RBFOX1: variants seen among roughly 807,000 people sequenced by gnomAD.
The protein encoded by RBFOX1 is RNA binding fox-1 homolog 1.
In RBFOX1, 8 loss-of-function variants were observed where a neutral mutation model predicts 57.7. That is an observed-to-expected ratio of 0.14 (90% confidence interval 0.08 to 0.25). The LOEUF (loss-of-function observed/expected upper bound fraction) is 0.25. Ranked by LOEUF, RBFOX1 falls within the 10% of genes least tolerant of loss-of-function variation. RBFOX1 has a pLI of 1.00. For synonymous variants in RBFOX1, 326 were observed against 222.4 expected, an observed-to-expected ratio of 1.47 and a Z score of -4.15; for missense variants, 611 against 548.5, an observed-to-expected ratio of 1.11 and a Z score of -1.14.
In RBFOX1 at chr16:5,439,658, A is replaced by C. The variant is rs572016173; in HGVS notation, c.220-27558A>C. The stretch of plus-strand genomic sequence containing the variant: ...GGTGTCCTTTAATGAGATGAGAAAG[A>C]CGGGCCTCACTCCTGGCCTCAAGTG... On this transcript the variant is annotated intron_variant, in intron 1 of 2. Coordinates refer to the RBFOX1 transcript ENST00000585867. Among the ~76,000 whole-genome samples the C allele has an allele frequency of 2.0e-3, 302 of 152,136 alleles. 2 individuals are homozygous for C. The highest frequency in any genetic ancestry group is 7.1e-3 in the African/African-American group (295 of 41,500).
chr16:5,948,927 C>T (rs963991247), intron 4 of RBFOX1, among the ~76,000 whole-genome samples: 3 of 152,184 alleles, frequency 2.0e-5, no homozygotes, highest in South Asian at 2.1e-4. Context: ...TACACAACAA[C>T]AGATGTTTCA....
intron 3 of RBFOX1, among the ~76,000 whole-genome samples, chr16:5,794,379 C>T (rs2054804869): frequency 2.0e-5 from 3 of 151,850 alleles, no homozygotes; most frequent in Admixed American, 2.0e-4. Flanking sequence ...TCATCATTGC[C>T]TTCATCTCAT....
chr16:5,850,133 C>G (rs1252657802), intron 3 of RBFOX1, among the ~76,000 whole-genome samples: 2 of 152,054 alleles, frequency 1.3e-5, no homozygotes, highest in Non-Finnish European at 2.9e-5. Context: ...AATTCAGTGG[C>G]TAAGAGGGAA....
chr16:6,193,509 C>G (rs1598259401), intron 1 of RBFOX1, among the ~76,000 whole-genome samples: 1 of 145,740 alleles, frequency 6.9e-6, no homozygotes, highest in East Asian at 2.0e-4. Flanking sequence ...GCTAAGTGAC[C>G]TAGAGCAAGT....
Position 6,654,614 on chromosome 16 carries a change from A to G in RBFOX1, c.-52A>G. Reference sequence around the variant, plus strand: ...TCTTCTCTTCTCAGGATATCAAAGCAGACTGCAATACCTGCGTGGAAATAG... The same window carrying G: ...TCTTCTCTTCTCAGGATATCAAAGCGGACTGCAATACCTGCGTGGAAATAG... On this transcript the variant is annotated 5_prime_UTR_variant, in exon 3 of 16. Transcript: ENST00000550418. The G allele has an allele frequency of 6.6e-7, 1 of 1,509,672 alleles. No individual in the cohort carries two copies. The highest frequency in any genetic ancestry group is 1.4e-5 in the African/African-American group (1 of 71,318). 93.5% of individuals were successfully genotyped at this position (1,509,672 alleles called of 1,614,324 possible).
At chr16:6,876,277 C>T (rs1309284140) in intron 3 of RBFOX1, among the ~76,000 whole-genome samples, 1 of 152,076 alleles carries the variant, frequency 6.6e-6, no homozygotes, top group South Asian at 2.1e-4. Flanking sequence ...GGGAATTGTC[C>T]TAGAATCACC....
At position 6,787,866 on chromosome 16, in the gene RBFOX1, C is replaced by G. The variant is rs567892550; in HGVS notation, c.-16+133216C>G. 3.3e-5 allele frequency among the ~76,000 whole-genome samples: 5 copies of G among 152,282 alleles called. No homozygotes were observed. The South Asian group carries it at 1.0e-3, about 32-fold the overall frequency. On this transcript the variant is annotated intron_variant, in intron 3 of 15. Transcript: ENST00000550418. ...TTCTATAAAGTTAACATAAGCGTAA[C>G]TCGATACTATAGAGAGAAGTTTTAA...
intron 4 of RBFOX1, among the ~76,000 whole-genome samples, chr16:7,414,769 C>T (rs1367522355): frequency 1.3e-5 from 2 of 152,126 alleles, no homozygotes; most frequent in South Asian, 2.1e-4. Flanking sequence ...AGGCGTGTGC[C>T]ACCATGACTG....
Position 5,239,930 on chromosome 16 carries a change from G to T in RBFOX1, c.44G>T (p.Arg15Leu), listed in dbSNP as rs906880760. ...AGCTCCGAAGCCACTGGCAAGCCCC[G>T]AGGCAGGGATGGCCGGCCCAGGAGG... Residue 15 changes from arginine (R) to leucine (L), a missense_variant, in exon 1 of 3, where the codon CGA becomes CTA. Coordinates refer to the RBFOX1 transcript ENST00000585867. The T allele has an allele frequency of 2.6e-6, 4 of 1,522,330 alleles. No homozygotes were observed. In the African/African-American group the frequency reaches 5.6e-5, roughly 21 times the overall value. 94.3% of individuals were successfully genotyped at this position (1,522,330 alleles called of 1,614,324 possible). A position where few individuals can be genotyped will look rare whatever the true frequency, so the allele number is the denominator to read the frequency against.
intron 3 of RBFOX1, among the ~76,000 whole-genome samples, chr16:5,767,935 C>G (rs1167378101): frequency 2.0e-5 from 3 of 148,048 alleles, no homozygotes; most frequent in Non-Finnish European, 4.4e-5. Flanking sequence ...CCATTACTTT[C>G]TCTCTGCAGA....
chr16:6,420,242 G>C (rs2093736166), intron 2 of RBFOX1, among the ~76,000 whole-genome samples: 1 of 152,122 alleles, frequency 6.6e-6, no homozygotes, highest in Admixed American at 6.6e-5. Flanking sequence ...AATTATAGAT[G>C]CAGTAATTTC....
chr16:5,807,344 T>G (rs992981865), intron 3 of RBFOX1, among the ~76,000 whole-genome samples: 2 of 152,162 alleles, frequency 1.3e-5, no homozygotes, highest in Admixed American at 6.5e-5. Flanking sequence ...CTTCACAATC[T>G]TGTGGCATCT....
At chr16:7,607,050 G>T (rs1030535433) in intron 9 of RBFOX1, among the ~76,000 whole-genome samples, 1 of 152,184 alleles carries the variant, frequency 6.6e-6, no homozygotes, top group South Asian at 2.1e-4. Context: ...TTCACTTGTG[G>T]CTGGTCAGTA....
chr16:5,606,899 C>T lies in RBFOX1; in HGVS notation c.318+7938C>T, dbSNP rs114918005. 8.6e-3 allele frequency among the ~76,000 whole-genome samples: 1,306 copies of T among 152,188 alleles called. 22 individuals are homozygous for T. The highest frequency in any genetic ancestry group is 0.03 in the African/African-American group (1,263 of 41,508). On this transcript the variant is annotated intron_variant, in intron 3 of 19. Transcript: ENST00000641259. Reference sequence around the variant, plus strand: ...TGGAAGAGGGGATGTCAGGGGTTGGCGGGAGAAGCAGGCATGCCCCAGTGC... The same window carrying T: ...TGGAAGAGGGGATGTCAGGGGTTGGTGGGAGAAGCAGGCATGCCCCAGTGC...
At chr16:5,699,652 G>A (rs78478852) in intron 3 of RBFOX1, among the ~76,000 whole-genome samples, 2,417 of 152,088 alleles carry the variant, frequency 0.016, 80 homozygotes, top group African/African-American at 0.054. Context: ...CTCTGGGTTG[G>A]GGTGTGCTAC....
chr16:6,506,221 G>T (rs1459290700), intron 2 of RBFOX1, among the ~76,000 whole-genome samples: 1 of 152,168 alleles, frequency 6.6e-6, no homozygotes, highest in East Asian at 1.9e-4. Context: ...GTGGGAGGCA[G>T]AAGTCAGTGC....
At chr16:6,753,583 T>G (rs4786927) in intron 3 of RBFOX1, among the ~76,000 whole-genome samples, 36,876 of 152,026 alleles carry the variant, frequency 0.24, 4,646 homozygotes, top group East Asian at 0.35. Flanking sequence ...CTGTGCAATT[T>G]CATCTCTTCA....
chr16:6,866,712 T>C (rs967395687), intron 3 of RBFOX1, among the ~76,000 whole-genome samples: 1 of 151,900 alleles, frequency 6.6e-6, no homozygotes, highest in South Asian at 2.1e-4. Context: ...TGGCTGATTT[T>C]TTTGTATTTT....
chr16:6,273,619 T>G (rs1418614043), intron 1 of RBFOX1, among the ~76,000 whole-genome samples: 1 of 152,100 alleles, frequency 6.6e-6, no homozygotes, highest in Non-Finnish European at 1.5e-5. Context: ...GTGCTGGGCT[T>G]ATAGGCGTGA....
Sources: allele counts gnomAD v4.1 joint callset (sites outside exome capture counted in the v4.1 genomes callset), GRCh38; gene constraint gnomAD v4.1.1; transcripts MANE v1.5; gene names NCBI Gene and HGNC (gene_info 2026-07-23, HGNC 2026-07-21).